Variants in GFPT2 observed in about 807,000 individuals in gnomAD.
The protein encoded by GFPT2 is glutamine--fructose-6-phosphate aminotransferase [isomerizing] 2.
In GFPT2, 62 loss-of-function variants were observed where a neutral mutation model predicts 85.6. The observed-to-expected ratio is 0.72, with a 90% CI of 0.59 to 0.90. The LOEUF is 0.90. GFPT2 is among the 40% of genes least tolerant of loss of function. The pLI, the probability that GFPT2 is intolerant of heterozygous loss-of-function variation, is 0.00. For synonymous variants in GFPT2, 368 were observed against 344.5 expected, an observed-to-expected ratio of 1.07 and a Z score of -0.75; for missense variants, 788 against 893.4, an observed-to-expected ratio of 0.88 and a Z score of 1.50.
chr5:180,324,601 A>G, intron 8 of GFPT2: 1 of 593,156 alleles, frequency 1.7e-6, no homozygotes, highest in Non-Finnish European at 3.0e-6. Context: ...AATATACAAA[A>G]TCATGATAAA....
rs1764009568 is a variant in GFPT2, at chr5:180,316,362, A to C, written c.1252T>G (p.Cys418Gly). The change falls in exon 13 of 19, where the codon TGC becomes GGC. Residue 418 changes from cysteine (C) to glycine (G), a missense_variant. Cys to Gly is a radical substitution (Grantham distance 159). Transcript: ENST00000253778. ...TTACCTGACTGGCTGATGAAAAAGCAAACGTCATCCCTGAACACAGGTGTG... is the reference window on the plus strand; with the variant it reads ...TTACCTGACTGGCTGATGAAAAAGCCAACGTCATCCCTGAACACAGGTGTG... ...RNTPVFRDDV[C>G]FFISQSGETA... The C allele has an allele frequency of 1.9e-6, 3 of 1,614,070 alleles. No individual in the cohort carries two copies. The South Asian group carries it at 3.3e-5, about 18-fold the overall frequency.
chr5:180,335,706 G>A, intron 4 of GFPT2, 122 bp downstream of exon 4: 1 of 1,044,176 alleles, frequency 9.6e-7, no homozygotes, highest in South Asian at 1.5e-5. Context: ...CATTCTCTTG[G>A]GAAGATGAAG....
At position 180,307,037 on chromosome 5, in the gene GFPT2, C is replaced by A. The variant is rs114459535; in HGVS notation, c.1674+139G>T. 2.1e-5 allele frequency: 14 copies of A among 655,256 alleles called. No individual in the cohort carries two copies. In the African/African-American group the frequency reaches 2.4e-4, roughly 11 times the overall value. The allele number at this position is 655,256 out of a possible 1,614,324, so 40.6% of individuals were successfully genotyped here. A position where few individuals can be genotyped will look rare whatever the true frequency, so the allele number is the denominator to read the frequency against. On this transcript the variant is annotated intron_variant, in intron 16 of 18. Transcript: ENST00000253778. The stretch of plus-strand genomic sequence containing the variant: ...AACCTGGTGGAGAGCTGGTGCTCAG[C>A]GCAGGCTCACAGGACTGGCCAAGGG...
chr5:180,338,641 A>C (rs1764450281), intron 1 of GFPT2, 41 bp from the exon 2 acceptor site: 2 of 1,246,734 alleles, frequency 1.6e-6, no homozygotes, highest in Non-Finnish European at 2.3e-6. Flanking sequence ...TAAAATACTC[A>C]GCTCGTGTTT....
At position 180,335,960 on chromosome 5, in the gene GFPT2, G is replaced by A. The variant is rs762180563; in HGVS notation, c.215-7C>T. The A allele has an allele frequency of 1.3e-6, 2 of 1,559,964 alleles. No individual in the cohort carries two copies. The highest frequency in any genetic ancestry group is 2.8e-5 in the African/African-American group (2 of 71,102). On this transcript the variant is annotated splice_polypyrimidine_tract_variant and splice_region_variant and intron_variant, in intron 3 of 18. Coordinates refer to ENST00000253778, the MANE Select transcript of GFPT2 (RefSeq NM_005110.4). The stretch of plus-strand genomic sequence containing the variant: ...AAGTCCATGCTGTCTTGTTCTAAAT[G>A]AAAGGAAAATCAGTTTGCCGCACTT...
intron 5 of GFPT2, 88 bp downstream of exon 5, chr5:180,331,407 G>A: frequency 3.8e-6 from 3 of 799,410 alleles, no homozygotes; most frequent in Non-Finnish European, 6.6e-6. Context: ...TTCCCACACT[G>A]GTTTCCGCAA....
chr5:180,332,093 G>A (rs1013465076), intron 4 of GFPT2, among the ~76,000 whole-genome samples: 22 of 152,164 alleles, frequency 1.4e-4, no homozygotes, highest in African/African-American at 4.8e-4. Flanking sequence ...AGAAGTTCTG[G>A]CATCCCCAGG....
intron 2 of GFPT2, among the ~76,000 whole-genome samples, chr5:180,337,999 G>A (rs1211790787): frequency 6.6e-6 from 1 of 152,178 alleles, no homozygotes; most frequent in African/African-American, 2.4e-5. Flanking sequence ...GGGTGTGGTG[G>A]TGCACGCCTG....
chr5:180,304,966 C>A, intron 16 of GFPT2, 27 bp from the exon 17 acceptor site: 1 of 1,547,090 alleles, frequency 6.5e-7, no homozygotes, highest in South Asian at 1.1e-5. Context: ...AGATCAGAGT[C>A]ACACTGGGCA....
At chr5:180,317,156 T>G (rs1196023747) in intron 10 of GFPT2, 98 bp from the exon 11 acceptor site, 22 of 834,592 alleles carry the variant, frequency 2.6e-5, no homozygotes, top group African/African-American at 6.7e-5. Context: ...TTACTGCAGA[T>G]TCCCAAAGGC....
At chr5:180,316,583 C>T (rs1764014273) in intron 12 of GFPT2, 122 bp from the exon 13 acceptor site, 4 of 1,125,562 alleles carry the variant, frequency 3.6e-6, no homozygotes, top group Non-Finnish European at 5.2e-6. Context: ...GGCGAGGGGA[C>T]TTCGGTCACC....
At chr5:180,301,695 A>G in intron 18 of GFPT2, 87 bp from the exon 19 acceptor site, 1 of 1,144,186 alleles carries the variant, frequency 8.7e-7, no homozygotes, top group Non-Finnish European at 1.3e-6. Context: ...GTACTTAAAA[A>G]CAAGAGACAG....
intron 9 of GFPT2, among the ~76,000 whole-genome samples, chr5:180,319,300 A>G (rs1251708797): frequency 6.6e-6 from 1 of 152,256 alleles, no homozygotes; most frequent in Non-Finnish European, 1.5e-5. Flanking sequence ...GCATGTTTAC[A>G]TATCTCCAAT....
chr5:180,309,113 C>A (rs1316306514), intron 15 of GFPT2, among the ~76,000 whole-genome samples: 1 of 151,976 alleles, frequency 6.6e-6, no homozygotes, highest in East Asian at 1.9e-4. Context: ...ACCTCATGAT[C>A]CACCCACCTC....
In GFPT2 at chr5:180,313,961, TCGCCTGC is replaced by T. The variant is rs778365839; in HGVS notation, c.1274-4_1276del. 9 of 1,594,764 alleles carry T rather than the reference TCGCCTGC, an allele frequency of 5.6e-6. No homozygotes were observed. In the African/African-American group the frequency reaches 9.4e-5, roughly 17 times the overall value. ...CAGCGCCAGGAGGGTGTCCGCGGTC[TCGCCTGC>T]CGCCCAGGGGCCCTCTCAGTGCCGC... On this transcript the variant is annotated splice_acceptor_variant and splice_polypyrimidine_tract_variant and coding_sequence_variant and intron_variant, in exon 14 of 19. Transcript: ENST00000253778. LOFTEE classifies it high-confidence loss of function.
At chr5:180,325,271 A>G (rs1017608331) in intron 7 of GFPT2, among the ~76,000 whole-genome samples, 2 of 152,290 alleles carry the variant, frequency 1.3e-5, no homozygotes, top group African/African-American at 4.8e-5. Flanking sequence ...GTCTCCACCC[A>G]GCCTCGACGG....
intron 16 of GFPT2, among the ~76,000 whole-genome samples, chr5:180,305,971 TTTTC>T (rs1319895001): frequency 2.2e-4 from 31 of 140,288 alleles, no homozygotes; most frequent in Admixed American, 1.2e-3. Context: ...TTTCTTTTTT[TTTTC>T]TTTCTTTCTT....
chr5:180,329,262 T>C (rs770174858), intron 6 of GFPT2, among the ~76,000 whole-genome samples: 6 of 152,180 alleles, frequency 3.9e-5, no homozygotes, highest in Admixed American at 1.3e-4. Flanking sequence ...GCCAGGAACC[T>C]GAGTCACCGT....
chr5:180,347,308 C>T (rs570154860), intron 1 of GFPT2, among the ~76,000 whole-genome samples: 1 of 152,376 alleles, frequency 6.6e-6, no homozygotes, highest in African/African-American at 2.4e-5. Flanking sequence ...AGCAGGAGAG[C>T]CCAGGTGGCT....
Sources: allele counts gnomAD v4.1 joint callset (sites outside exome capture counted in the v4.1 genomes callset), GRCh38; gene constraint gnomAD v4.1.1; transcripts MANE v1.5; gene names NCBI Gene and HGNC (gene_info 2026-07-23, HGNC 2026-07-21).